MCF2L2: variants seen among roughly 807,000 people sequenced by gnomAD.
The protein encoded by MCF2L2 is MCF.2 cell line derived transforming sequence-like 2, also known as probable guanine nucleotide exchange factor MCF2L2.
MCF2L2 carries 102 observed loss-of-function variants against 150.2 expected under a neutral mutation model. The observed-to-expected ratio is 0.68, with a 90% CI of 0.58 to 0.80. The LOEUF (loss-of-function observed/expected upper bound fraction) is 0.80, where lower values mean the gene tolerates loss of function less well. MCF2L2 is among the 30% of genes least tolerant of loss of function. MCF2L2 has a pLI of 0.00. For missense variants in MCF2L2, 1,256 were observed against 1,372.8 expected (o/e 0.91, Z 1.34); for synonymous variants, 465 against 491.3 (o/e 0.95, Z 0.71).
At chr3:183,222,881 G>T (rs1189815688) in intron 20 of MCF2L2, among the ~76,000 whole-genome samples, 1 of 152,174 alleles carries the variant, frequency 6.6e-6, no homozygotes, top group Non-Finnish European at 1.5e-5. Flanking sequence ...AAACCACTTA[G>T]GGGTTCAGGG....
chr3:183,291,251 G>A (rs115076202), intron 13 of MCF2L2, among the ~76,000 whole-genome samples: 3 of 152,286 alleles, frequency 2.0e-5, no homozygotes, highest in South Asian at 4.1e-4. Context: ...GTGAAGCAGT[G>A]AAAGGCGGGG....
intron 22 of MCF2L2, among the ~76,000 whole-genome samples, chr3:183,214,506 T>C (rs950250605): frequency 4.6e-5 from 7 of 152,112 alleles, no homozygotes; most frequent in African/African-American, 1.4e-4. Context: ...AACTCATTTT[T>C]CGGACCTTAA....
chr3:183,409,552 T>C (rs1028806079), intron 1 of MCF2L2, among the ~76,000 whole-genome samples: 28 of 61,824 alleles, frequency 4.5e-4, no homozygotes, highest in African/African-American at 1.1e-3. Flanking sequence ...CTAAAATTTC[T>C]TTTTTTTTTT....
chr3:183,392,464 C>T (rs1245409226), intron 1 of MCF2L2, among the ~76,000 whole-genome samples: 2 of 152,202 alleles, frequency 1.3e-5, no homozygotes, highest in Admixed American at 6.5e-5. Context: ...AGACCTTTCT[C>T]GCTAGCCTCC....
intron 25 of MCF2L2, among the ~76,000 whole-genome samples, chr3:183,196,110 G>T (rs1271230259): frequency 6.6e-6 from 1 of 152,178 alleles, no homozygotes; most frequent in Non-Finnish European, 1.5e-5. Flanking sequence ...CTCAGTGCCT[G>T]CCTCCCTCCT....
At chr3:183,224,284 A>G in intron 18 of MCF2L2, 94 bp from the exon 19 acceptor site, 1 of 812,752 alleles carries the variant, frequency 1.2e-6, no homozygotes. Context: ...AACAAGCCAG[A>G]GTATTCTAAT....
intron 15 of MCF2L2, 180 bp from the exon 16 acceptor site, chr3:183,231,197 G>GTGAGA: frequency 1.5e-6 from 1 of 681,492 alleles, no homozygotes; most frequent in Non-Finnish European, 2.7e-6. Context: ...TCTCACAAAC[G>GTGAGA]CACACTGTGA....
At chr3:183,323,427 CATAATT>C (rs1037195089) in intron 5 of MCF2L2, 76 bp from the exon 6 acceptor site, 2 of 630,466 alleles carry the variant, frequency 3.2e-6, no homozygotes, top group East Asian at 3.2e-5. Context: ...CTATTCTTAT[CATAATT>C]ATATTTTATA....
chr3:183,209,194 T>G (rs1722601024), intron 22 of MCF2L2, among the ~76,000 whole-genome samples: 1 of 152,252 alleles, frequency 6.6e-6, no homozygotes, highest in African/African-American at 2.4e-5. Flanking sequence ...CAGACCTTAG[T>G]GACTGCTTTT....
At chr3:183,250,512 G>T (rs927237709) in intron 15 of MCF2L2, among the ~76,000 whole-genome samples, 1 of 151,922 alleles carries the variant, frequency 6.6e-6, no homozygotes, top group Non-Finnish European at 1.5e-5. Context: ...ACTTGAACCC[G>T]GGAGGCAGAG....
intron 1 of MCF2L2, among the ~76,000 whole-genome samples, chr3:183,422,153 CTT>C (rs1043689536): frequency 3.9e-5 from 6 of 152,230 alleles, no homozygotes; most frequent in Admixed American, 1.3e-4. Flanking sequence ...CTAGTTGCCT[CTT>C]TCCCTGGTTC....
At chr3:183,241,963 T>C (rs1297083605) in intron 15 of MCF2L2, among the ~76,000 whole-genome samples, 1 of 152,178 alleles carries the variant, frequency 6.6e-6, no homozygotes, top group Non-Finnish European at 1.5e-5. Flanking sequence ...AAGGAGACTC[T>C]TGCTATGTTT....
intron 2 of MCF2L2, among the ~76,000 whole-genome samples, chr3:183,386,326 G>C (rs55748181): frequency 6.6e-6 from 1 of 152,170 alleles, no homozygotes; most frequent in Non-Finnish European, 1.5e-5. Flanking sequence ...TGAACATGCA[G>C]GTGTCTTCCA....
chr3:183,400,444 G>A (rs1012206647), intron 1 of MCF2L2: 2 of 456,586 alleles, frequency 4.4e-6, no homozygotes, highest in Non-Finnish European at 8.8e-6. Flanking sequence ...AAGGTGTAAG[G>A]TGAGTATCTA....
intron 3 of MCF2L2, chr3:183,373,435 T>C (rs1713003927): frequency 6.6e-6 from 1 of 152,174 alleles, no homozygotes. Context: ...AATACAGAAC[T>C]GTGATAGCAA....
intron 5 of MCF2L2, among the ~76,000 whole-genome samples, chr3:183,338,390 T>C (rs966889308): frequency 2.7e-5 from 4 of 146,402 alleles, no homozygotes; most frequent in Non-Finnish European, 5.9e-5. Context: ...AAGGTTGTGG[T>C]GAGCCGAGAT....
chr3:183,397,882 TA>T (rs1351215958), intron 1 of MCF2L2, among the ~76,000 whole-genome samples: 1 of 152,172 alleles, frequency 6.6e-6, no homozygotes, highest in African/African-American at 2.4e-5. Flanking sequence ...GAGGATTGGT[TA>T]AATAAATGAT....
chr3:183,371,605 T>C (rs945213025), intron 3 of MCF2L2, among the ~76,000 whole-genome samples: 2 of 151,398 alleles, frequency 1.3e-5, no homozygotes, highest in Non-Finnish European at 2.9e-5. Flanking sequence ...GTAGCTGGGA[T>C]TACAGGCTTA....
intron 10 of MCF2L2, among the ~76,000 whole-genome samples, chr3:183,307,386 A>G (rs1729150267): frequency 6.6e-6 from 1 of 152,242 alleles, no homozygotes; most frequent in Admixed American, 6.5e-5. Flanking sequence ...AGTTACGATG[A>G]GACAGCTTTG....
Sources: allele counts gnomAD v4.1 joint callset (sites outside exome capture counted in the v4.1 genomes callset), GRCh38; gene constraint gnomAD v4.1.1; transcripts MANE v1.5; gene names NCBI Gene and HGNC (gene_info 2026-07-23, HGNC 2026-07-21).